ADSS2: variants seen among roughly 807,000 people sequenced by gnomAD.
ADSS2 encodes the protein adenylosuccinate synthase 2, also known as adenylosuccinate synthetase isozyme 2.
ADSS2 carries 30 observed loss-of-function variants against 60.0 expected under a neutral mutation model. The ratio of observed to expected loss-of-function variants is 0.50; its 90% CI spans 0.37 to 0.68. ADSS2 has a LOEUF of 0.68. Among genes scored for constraint, ADSS2 ranks in the 30% least tolerant of loss-of-function variants. ADSS2 has a pLI of 0.00. For missense variants in ADSS2, 373 were observed against 554.8 expected (o/e 0.67, Z 3.29); for synonymous variants, 187 against 193.1 (o/e 0.97, Z 0.26).
intron 12 of ADSS2, among the ~76,000 whole-genome samples, chr1:244,409,876 A>G (rs771856552): frequency 6.6e-6 from 1 of 152,106 alleles, no homozygotes; most frequent in Non-Finnish European, 1.5e-5. Flanking sequence ...CAATATTTTC[A>G]CTTTCCTAAT....
At chr1:244,417,022 C>A (rs754374597) in intron 10 of ADSS2, among the ~76,000 whole-genome samples, 1 of 152,150 alleles carries the variant, frequency 6.6e-6, no homozygotes, top group Non-Finnish European at 1.5e-5. Flanking sequence ...GATATGAATA[C>A]ATTTATTTAC....
At chr1:244,447,608 TATAA>T (rs1040896333) in intron 1 of ADSS2, among the ~76,000 whole-genome samples, 29 of 152,280 alleles carry the variant, frequency 1.9e-4, no homozygotes, top group African/African-American at 7.0e-4. Flanking sequence ...ATGAAAAAGA[TATAA>T]ATATCAGTTA....
chr1:244,434,691 T>G (rs2148006361), intron 3 of ADSS2, among the ~76,000 whole-genome samples: 1 of 152,240 alleles, frequency 6.6e-6, no homozygotes, highest in South Asian at 2.1e-4. Context: ...AGAGCAGGGT[T>G]GGATAGGCTA....
At chr1:244,428,664 A>G (rs1181852519) in intron 4 of ADSS2, among the ~76,000 whole-genome samples, 1 of 151,890 alleles carries the variant, frequency 6.6e-6, no homozygotes, top group Admixed American at 6.6e-5. Flanking sequence ...CAGAAAATAG[A>G]GAAAATGGTT....
intron 10 of ADSS2, 45 bp from the exon 11 acceptor site, chr1:244,416,123 A>G (rs1475878915): frequency 7.7e-7 from 1 of 1,299,090 alleles, no homozygotes; most frequent in Admixed American, 1.8e-5. Flanking sequence ...AGACTCTTAA[A>G]GCCTCTAATA....
At chr1:244,437,533 C>G in intron 2 of ADSS2, 133 bp downstream of exon 2, 1 of 672,652 alleles carries the variant, frequency 1.5e-6, no homozygotes. Flanking sequence ...CAGAAGGTAT[C>G]AAGGTCAAAA....
At chr1:244,419,001 G>A in intron 8 of ADSS2, 87 bp from the exon 9 acceptor site, 1 of 1,224,492 alleles carries the variant, frequency 8.2e-7, no homozygotes, top group Non-Finnish European at 1.1e-6. Context: ...CTGCATTTGA[G>A]TATATTATAG....
intron 1 of ADSS2, among the ~76,000 whole-genome samples, chr1:244,448,270 T>G (rs1284772387): frequency 6.6e-6 from 1 of 152,228 alleles, no homozygotes; most frequent in African/African-American, 2.4e-5. Flanking sequence ...GAGAAAGTTT[T>G]AGTTTGCTGC....
chr1:244,418,272 T>A (rs1664583729), intron 9 of ADSS2, among the ~76,000 whole-genome samples: 1 of 152,230 alleles, frequency 6.6e-6, no homozygotes, highest in African/African-American at 2.4e-5. Context: ...TTTCATTATC[T>A]CTTATATTCT....
At chr1:244,427,803 T>G (rs1426301755) in intron 4 of ADSS2, among the ~76,000 whole-genome samples, 1 of 152,170 alleles carries the variant, frequency 6.6e-6, no homozygotes, top group African/African-American at 2.4e-5. Flanking sequence ...GTGTAACTAA[T>G]TAGTATATAC....
chr1:244,441,249 G>GGGGTTTCACCATGTTAGCCA (rs1009161109), intron 1 of ADSS2, among the ~76,000 whole-genome samples: 1 of 151,854 alleles, frequency 6.6e-6, no homozygotes, highest in African/African-American at 2.4e-5. Context: ...TAGTAGAGAC[G>GGGGTTTCACCATGTTAGCCA]GGGTTTCACC....
At chr1:244,427,171 G>A (rs1164870424) in intron 4 of ADSS2, among the ~76,000 whole-genome samples, 1 of 152,012 alleles carries the variant, frequency 6.6e-6, no homozygotes, top group Non-Finnish European at 1.5e-5. Flanking sequence ...AATGCAATAG[G>A]TCCTTGCATT....
chr1:244,442,979 C>T (rs896127351), intron 1 of ADSS2, among the ~76,000 whole-genome samples: 2 of 152,158 alleles, frequency 1.3e-5, no homozygotes, highest in African/African-American at 2.4e-5. Context: ...AGCACCCCCT[C>T]AGTCTCCCAC....
intron 9 of ADSS2, 62 bp downstream of exon 9, chr1:244,418,698 T>C: frequency 6.9e-7 from 1 of 1,458,408 alleles, no homozygotes; most frequent in Non-Finnish European, 9.2e-7. Context: ...AATAATTCAT[T>C]AAGAAAAAAA....
intron 1 of ADSS2, among the ~76,000 whole-genome samples, chr1:244,440,187 G>A (rs189757665): frequency 6.6e-6 from 1 of 152,302 alleles, no homozygotes; most frequent in Non-Finnish European, 1.5e-5. Flanking sequence ...TGGTGTTCCT[G>A]TAGGAGAACA....
chr1:244,440,273 T>C (rs1665204230), intron 1 of ADSS2, among the ~76,000 whole-genome samples: 1 of 152,156 alleles, frequency 6.6e-6, no homozygotes, highest in Non-Finnish European at 1.5e-5. Context: ...AAATTGAATG[T>C]TACAACTTTT....
chr1:244,412,400 A>C (rs1446158321), intron 11 of ADSS2, among the ~76,000 whole-genome samples: 1 of 152,194 alleles, frequency 6.6e-6, no homozygotes, highest in Non-Finnish European at 1.5e-5. Flanking sequence ...TGGTTAGAGG[A>C]AGATAGCTCT....
intron 4 of ADSS2, among the ~76,000 whole-genome samples, chr1:244,427,669 G>A (rs943721494): frequency 3.3e-5 from 5 of 152,072 alleles, no homozygotes; most frequent in African/African-American, 1.2e-4. Context: ...CAACTCTAGT[G>A]GCTATATTAA....
intron 4 of ADSS2, 68 bp from the exon 5 acceptor site, chr1:244,424,455 C>A: frequency 7.9e-7 from 1 of 1,267,570 alleles, no homozygotes; most frequent in South Asian, 1.2e-5. Context: ...CACCGCATTT[C>A]AAATTACTGA....
Sources: gnomAD v4.1 joint callset for allele counts (sites outside exome capture counted in the v4.1 genomes callset) on GRCh38, gnomAD v4.1.1 for gene constraint, MANE v1.5 for transcripts, NCBI Gene and HGNC (gene_info 2026-07-23, HGNC 2026-07-21) for gene names.